Variants in NLRP3 observed in about 807,000 individuals in gnomAD.
The protein encoded by NLRP3 is NLR family pyrin domain containing 3.
Under a neutral mutation model 91.3 loss-of-function variants are expected in NLRP3, and 48 were observed. That is an observed-to-expected ratio of 0.53 (90% CI 0.42 to 0.67). NLRP3 has a LOEUF of 0.67. NLRP3 is among the 30% of genes least tolerant of loss of function. The pLI is 0.00. For synonymous variants in NLRP3, 561 were observed against 507.9 expected (o/e 1.10, Z -1.41); for missense variants, 982 against 1,276.9 (o/e 0.77, Z 3.52).
rs199633057 is a variant in NLRP3, at chr1:247,425,612, G to A, written c.2150+13G>A. 35 of 1,601,976 alleles carry A rather than the reference G, an allele frequency of 2.2e-5. No individual in the cohort carries two copies. The highest frequency in any genetic ancestry group is 1.9e-4 in the Middle Eastern group (1 of 5,398). On this transcript the variant is annotated intron_variant, in intron 4 of 9. Transcript: ENST00000336119. This position sits in a 1 kb window ranked among gnomAD's most constrained non-coding sequence, Gnocchi z 4.1. ...CCTGTTCTCATGGGTAAGGAAACTC[G>A]GCTTCCAGGTGCTTCCTCCTGCTTC...
rs1384607886 is a variant in NLRP3, at chr1:247,426,426, C to A, written c.2150+827C>A. Among the ~76,000 whole-genome samples the A allele has an allele frequency of 2.6e-5, 4 of 152,308 alleles. No homozygotes were observed. In the East Asian group the frequency reaches 7.7e-4, roughly 29 times the overall value. On this transcript the variant is annotated intron_variant, in intron 4 of 9. Transcript: ENST00000336119. Reference sequence around the variant, plus strand: ...TCGTTCAGTGCCTCCTGCAGAAGGACCACCCACAGTGGTTGTAGGAAGGTG... The same window carrying A: ...TCGTTCAGTGCCTCCTGCAGAAGGAACACCCACAGTGGTTGTAGGAAGGTG...
intron 9 of NLRP3, 137 bp from the exon 10 acceptor site, chr1:247,448,268 C>CTTT (rs58966539): frequency 0.018 from 6,517 of 357,986 alleles, 198 homozygotes; most frequent in African/African-American, 0.082. Flanking sequence ...TGTGGTCCCT[C>CTTT]TTTTTTTTTT....
At chr1:247,437,433 C>T (rs1293109846) in intron 7 of NLRP3, among the ~76,000 whole-genome samples, 1 of 152,214 alleles carries the variant, frequency 6.6e-6, no homozygotes, top group African/African-American at 2.4e-5. Flanking sequence ...TTGGACCTCT[C>T]CCATCAGCCA....
chr1:247,428,006 C>T (rs1437840825), intron 4 of NLRP3, among the ~76,000 whole-genome samples: 2 of 137,490 alleles, frequency 1.5e-5, no homozygotes, highest in African/African-American at 5.6e-5. Flanking sequence ...GGGCTCAGCA[C>T]CCATTTCTCT....
chr1:247,448,326 G>A, intron 9 of NLRP3, 79 bp from the exon 10 acceptor site: 1 of 675,308 alleles, frequency 1.5e-6, no homozygotes. Context: ...GGGAAATGAA[G>A]AGATGAGACT....
At chr1:247,427,331 A>G (rs957920863) in intron 4 of NLRP3, among the ~76,000 whole-genome samples, 7 of 152,226 alleles carry the variant, frequency 4.6e-5, no homozygotes, top group Non-Finnish European at 1.0e-4. Context: ...AAACATTCAG[A>G]CCATAGAAAT....
chr1:247,424,137 A>T lies in NLRP3; in HGVS notation c.688A>T (p.Lys230Ter). ...GTTCCAGGGGGCGGCAGGGATTGGG[A>T]AAACAATCCTGGCCAGGAAGATGAT... ...VVFQGAAGIG[K>*]TILARKMMLD... The change falls in exon 4 of 10, where the codon AAA (lysine) becomes TAA (stop). Residue 230 changes from lysine to a stop codon, truncating the protein, a stop_gained. Transcript: ENST00000336119. LOFTEE classifies it high-confidence loss of function. The surrounding 1 kb of genome is among the most constrained non-coding windows in gnomAD (Gnocchi z 8.1). 6.2e-7 allele frequency: 1 copy of T among 1,614,072 alleles called. No homozygotes were observed. The highest frequency in any genetic ancestry group is 8.5e-7 in the Non-Finnish European group (1 of 1,180,012).
intron 9 of NLRP3, among the ~76,000 whole-genome samples, chr1:247,445,279 C>T (rs951929567): frequency 1.3e-5 from 2 of 152,164 alleles, no homozygotes; most frequent in Non-Finnish European, 2.9e-5. Context: ...CGGCTCACTG[C>T]AAGCTCCGCC....
At chr1:247,430,813 C>T (rs1663261607) in intron 5 of NLRP3, among the ~76,000 whole-genome samples, 1 of 151,686 alleles carries the variant, frequency 6.6e-6, no homozygotes, top group African/African-American at 2.4e-5. Context: ...CTCTCTGTCA[C>T]CCAGGCTGGA....
At chr1:247,440,117 T>A (rs1299175475) in intron 7 of NLRP3, among the ~76,000 whole-genome samples, 2 of 152,162 alleles carry the variant, frequency 1.3e-5, no homozygotes, top group African/African-American at 2.4e-5. Context: ...GCCTATGTGT[T>A]AGGTATAGCC....
chr1:247,441,804 G>C (rs1419754195), intron 7 of NLRP3, among the ~76,000 whole-genome samples: 1 of 152,128 alleles, frequency 6.6e-6, no homozygotes, highest in East Asian at 1.9e-4. Context: ...TGGATATGAC[G>C]TTTTCTTAAC....
chr1:247,441,761 C>T (rs1031727748), intron 7 of NLRP3, among the ~76,000 whole-genome samples: 12 of 152,098 alleles, frequency 7.9e-5, no homozygotes, highest in Admixed American at 5.9e-4. Context: ...TCAGTGTAAC[C>T]GTTGCTTAAT....
In NLRP3 at chr1:247,434,234, T is replaced by A; in HGVS notation, c.2453T>A (p.Val818Glu). 1 of 1,614,236 alleles carries A rather than the reference T, an allele frequency of 6.2e-7. No homozygotes were observed. The highest frequency in any genetic ancestry group is 8.5e-7 in the Non-Finnish European group (1 of 1,180,044). Residue 818 changes from valine (V) to glutamate (E), a missense_variant, in exon 6 of 10, where the codon GTG becomes GAG. Val to Glu is a moderately radical substitution (Grantham distance 121). Around this residue, in one of 5 missense-constraint regions of NLRP3, gnomAD observed 373 missense variants for 431.5 expected, o/e 0.86. Coordinates refer to ENST00000336119, the MANE Select transcript of NLRP3 (RefSeq NM_001243133.2). The stretch of plus-strand genomic sequence containing the variant: ...GACTTCGGAATCAGACTTCTGTGTG[T>A]GGGACTGAAGCACCTGTTGTGCAAT... ...LGDFGIRLLC[V>E]GLKHLLCNLK...
At chr1:247,444,258 T>C (rs1438902679) in intron 8 of NLRP3, 116 bp downstream of exon 8, 3 of 1,078,924 alleles carry the variant, frequency 2.8e-6, no homozygotes, top group South Asian at 1.3e-5. Flanking sequence ...GTCTTCTTAG[T>C]GTTTGCCTTG....
chr1:247,444,187 A>C (rs1253275298), intron 8 of NLRP3, 45 bp downstream of exon 8: 1 of 1,601,770 alleles, frequency 6.2e-7, no homozygotes, highest in East Asian at 2.2e-5. Context: ...CATGGTGGCC[A>C]AGGGTGGAGG....
At chr1:247,443,515 C>T (rs1664373970) in intron 7 of NLRP3, among the ~76,000 whole-genome samples, 1 of 151,152 alleles carries the variant, frequency 6.6e-6, no homozygotes, top group East Asian at 1.9e-4. Context: ...ATGTTTAAAT[C>T]AGCACCGACT....
At position 247,444,671 on chromosome 1, in the gene NLRP3, C is replaced by A. The variant is rs139814109; in HGVS notation, c.2855C>A (p.Thr952Lys). 6.2e-7 allele frequency: 1 copy of A among 1,614,078 alleles called. No homozygotes were observed. Among genetic ancestry groups the A allele is most frequent in the South Asian group, 1.1e-5 (1 of 91,078 alleles). Residue 952 changes from threonine to lysine, a missense_variant, in exon 9 of 10, where the codon ACG becomes AAG. Physicochemically the swap from Thr to Lys is moderately conservative, Grantham distance 78. Transcript: ENST00000336119. ...QVLELDNCNL[T>K]SHCCWDLSTL... is the part of the protein sequence containing the mutation. ...TGCAGATTAGACAACTGCAACCTCA[C>A]GTCACACTGCTGCTGGGATCTTTCC...
intron 5 of NLRP3, among the ~76,000 whole-genome samples, 196 bp downstream of exon 5, chr1:247,429,951 T>C (rs184488463): frequency 1.2e-4 from 18 of 152,278 alleles, no homozygotes; most frequent in Admixed American, 1.1e-3. Flanking sequence ...CTCGGCTCAC[T>C]GCAATCTCTG....
intron 5 of NLRP3, among the ~76,000 whole-genome samples, chr1:247,431,850 G>T (rs997640047): frequency 1.2e-4 from 18 of 152,126 alleles, no homozygotes; most frequent in African/African-American, 4.3e-4. Context: ...GAGCAGCTTT[G>T]TTTCATGGAT....
Sources: allele counts gnomAD v4.1 joint callset (sites outside exome capture counted in the v4.1 genomes callset), GRCh38; gene constraint gnomAD v4.1.1; regional missense constraint gnomAD v4.1.1; non-coding constraint Gnocchi (gnomAD v3.1); transcripts MANE v1.5; gene names NCBI Gene and HGNC (gene_info 2026-07-23, HGNC 2026-07-21).